Variants in TDRD7 observed in about 807,000 individuals in gnomAD.
TDRD7 encodes tudor domain containing 7.
Under a neutral mutation model 109.8 loss-of-function variants are expected in TDRD7, and 47 were observed. The observed-to-expected ratio is 0.43, with a 90% CI of 0.34 to 0.55. TDRD7 has a LOEUF of 0.55. Among genes scored for constraint, TDRD7 ranks in the 20% least tolerant of loss-of-function variants. The pLI is 0.03. For missense variants in TDRD7, 1,164 were observed against 1,319.2 expected (o/e 0.88, Z 1.82); for synonymous variants, 424 against 457.3 (o/e 0.93, Z 0.93).
At chr9:97,465,310 G>T (rs1828804423) in intron 8 of TDRD7, among the ~76,000 whole-genome samples, 1 of 152,166 alleles carries the variant, frequency 6.6e-6, no homozygotes, top group South Asian at 2.1e-4. Context: ...CCTATTCCTA[G>T]GGGATGTATA....
At chr9:97,454,655 T>C (rs1180801314) in intron 6 of TDRD7, among the ~76,000 whole-genome samples, 1 of 152,016 alleles carries the variant, frequency 6.6e-6, no homozygotes, top group Non-Finnish European at 1.5e-5. Context: ...AAACAGACAA[T>C]GTACCAGAAT....
In TDRD7 at chr9:97,460,421, G is replaced by A; in HGVS notation, c.1099G>A (p.Glu367Lys). 1 of 1,614,210 alleles carries A rather than the reference G, an allele frequency of 6.2e-7. No individual in the cohort carries two copies. Among genetic ancestry groups the A allele is most frequent in the Non-Finnish European group, 8.5e-7 (1 of 1,180,036 alleles). The change falls in exon 7 of 17, where the codon GAA becomes AAA. Residue 367 changes from glutamate (E) to lysine (K), a missense_variant. Around this residue, in one of 5 missense-constraint regions of TDRD7, gnomAD observed 407 missense variants for 394.0 expected, o/e 1.03. Transcript: ENST00000355295. ...CAGTGCACTTCCGAAAGCATTTGAG[G>A]AAATGTACAAAGTGAAATTCCCTGA... Reference protein sequence around the residue: ...WASALPKAFEEMYKVKFPEDA... With the variant: ...WASALPKAFEKMYKVKFPEDA...
chr9:97,456,969 T>C (rs762122432), intron 6 of TDRD7, among the ~76,000 whole-genome samples: 1 of 151,888 alleles, frequency 6.6e-6, no homozygotes, highest in Non-Finnish European at 1.5e-5. Context: ...CTTAAACATA[T>C]GTACAAGAAA....
At chr9:97,462,226 A>G (rs2131151559) in intron 7 of TDRD7, among the ~76,000 whole-genome samples, 1 of 152,350 alleles carries the variant, frequency 6.6e-6, no homozygotes, top group East Asian at 1.9e-4. Context: ...TTGGTGCCAT[A>G]GTCAGAGACC....
chr9:97,424,365 A>T (rs572782441), intron 1 of TDRD7, among the ~76,000 whole-genome samples: 2 of 151,790 alleles, frequency 1.3e-5, no homozygotes, highest in African/African-American at 4.8e-5. Context: ...CAGCTCTCTT[A>T]TTTTCTTACT....
intron 1 of TDRD7, among the ~76,000 whole-genome samples, chr9:97,426,349 C>G (rs1221024275): frequency 6.6e-6 from 1 of 152,134 alleles, no homozygotes; most frequent in Admixed American, 6.5e-5. Context: ...ACCTCCTGGG[C>G]TCAATGATCC....
At chr9:97,427,487 G>A (rs1379011451) in intron 1 of TDRD7, among the ~76,000 whole-genome samples, 2 of 152,120 alleles carry the variant, frequency 1.3e-5, no homozygotes, top group Non-Finnish European at 2.9e-5. Context: ...CCCCATATAA[G>A]TCAAAGACCA....
intron 6 of TDRD7, among the ~76,000 whole-genome samples, chr9:97,451,089 A>AT: frequency 6.6e-6 from 1 of 152,014 alleles, no homozygotes; most frequent in African/African-American, 2.4e-5. Context: ...GACTTAACCA[A>AT]TCATGCCTGC....
intron 6 of TDRD7, among the ~76,000 whole-genome samples, chr9:97,455,053 C>T (rs1224394013): frequency 6.6e-6 from 1 of 152,096 alleles, no homozygotes; most frequent in Non-Finnish European, 1.5e-5. Context: ...AACACCTCTA[C>T]ACAAATAAAC....
chr9:97,442,063 G>A (rs1349972164), intron 6 of TDRD7, among the ~76,000 whole-genome samples, 188 bp downstream of exon 6: 1 of 152,084 alleles, frequency 6.6e-6, no homozygotes, highest in South Asian at 2.1e-4. Context: ...AAAGTTGAAG[G>A]TTCTCCTGTG....
chr9:97,468,809 C>T (rs1828863726), intron 8 of TDRD7, among the ~76,000 whole-genome samples: 1 of 152,158 alleles, frequency 6.6e-6, no homozygotes, highest in African/African-American at 2.4e-5. Flanking sequence ...CAGGAATGGA[C>T]TGGGGCCTTA....
intron 5 of TDRD7, 86 bp downstream of exon 5, chr9:97,439,404 A>G: frequency 9.2e-7 from 1 of 1,089,634 alleles, no homozygotes; most frequent in South Asian, 1.3e-5. Context: ...ATTTGCTCTC[A>G]CCTTCTCCTG....
At chr9:97,475,854 TTATG>T (rs1456532894) in intron 12 of TDRD7, among the ~76,000 whole-genome samples, 16 of 152,264 alleles carry the variant, frequency 1.1e-4, no homozygotes, top group Admixed American at 3.9e-4. Flanking sequence ...TTTTCAAACT[TTATG>T]TAAGTTGTAA....
intron 1 of TDRD7, among the ~76,000 whole-genome samples, chr9:97,415,920 C>T (rs1827803595): frequency 6.6e-6 from 1 of 152,134 alleles, no homozygotes; most frequent in African/African-American, 2.4e-5. Flanking sequence ...TCATGAGCCA[C>T]GTAACAAAAC....
chr9:97,450,404 G>C (rs1448178017), intron 6 of TDRD7, among the ~76,000 whole-genome samples: 1 of 152,162 alleles, frequency 6.6e-6, no homozygotes, highest in East Asian at 1.9e-4. Flanking sequence ...AAAGGAACTA[G>C]ATGCCGTAAA....
intron 6 of TDRD7, among the ~76,000 whole-genome samples, chr9:97,456,098 C>G (rs562479331): frequency 6.6e-6 from 1 of 152,206 alleles, no homozygotes; most frequent in Non-Finnish European, 1.5e-5. Context: ...AATAAAATAC[C>G]TAGGAACACA....
At chr9:97,466,135 T>C (rs1009632711) in intron 8 of TDRD7, among the ~76,000 whole-genome samples, 1 of 152,262 alleles carries the variant, frequency 6.6e-6, no homozygotes, top group Non-Finnish European at 1.5e-5. Context: ...TAATCCTGTA[T>C]GTGTCACTGA....
intron 1 of TDRD7, among the ~76,000 whole-genome samples, chr9:97,419,538 C>G (rs1207143176): frequency 6.6e-6 from 1 of 152,166 alleles, no homozygotes; most frequent in African/African-American, 2.4e-5. Context: ...AGTATAGGTC[C>G]CAAAGCTGTC....
At chr9:97,481,862 A>T (rs1829122031) in intron 14 of TDRD7, among the ~76,000 whole-genome samples, 1 of 152,216 alleles carries the variant, frequency 6.6e-6, no homozygotes, top group African/African-American at 2.4e-5. Context: ...ACTTCAGAGG[A>T]TGAATGTAAT....
Sources: gnomAD v4.1 joint callset for allele counts (sites outside exome capture counted in the v4.1 genomes callset) on GRCh38, gnomAD v4.1.1 for gene constraint, gnomAD v4.1.1 regional missense constraint, MANE v1.5 for transcripts, NCBI Gene and HGNC (gene_info 2026-07-23, HGNC 2026-07-21) for gene names.